The following ZNF385D variants were observed in gnomAD, a reference collection of about 807,000 sequenced individuals.
ZNF385D encodes zinc finger protein 385D, also known as zinc finger protein 659.
In ZNF385D, 15 loss-of-function variants were observed where a neutral mutation model predicts 35.8. The observed-to-expected ratio is 0.42, with a 90% CI of 0.28 to 0.64. The LOEUF is 0.64. ZNF385D is among the 30% of genes least tolerant of loss of function. The pLI is 0.23. For missense variants in ZNF385D, 474 were observed against 494.6 expected, an observed-to-expected ratio of 0.96 and a Z score of 0.39; for synonymous variants, 212 against 186.8, an observed-to-expected ratio of 1.13 and a Z score of -1.10.
intron 2 of ZNF385D, among the ~76,000 whole-genome samples, chr3:21,592,463 C>T (rs1158155013): frequency 1.3e-5 from 2 of 149,334 alleles, no homozygotes; most frequent in Non-Finnish European, 3.0e-5. Flanking sequence ...CTTGAATTAC[C>T]CTCTTCTAAT....
intron 3 of ZNF385D, among the ~76,000 whole-genome samples, chr3:22,031,580 G>C (rs1698005791): frequency 6.6e-6 from 1 of 152,202 alleles, no homozygotes; most frequent in South Asian, 2.1e-4. Flanking sequence ...GCACAGAGCA[G>C]CGTGTCCCTG....
chr3:21,915,068 A>AG lies in ZNF385D; in HGVS notation c.326-250041dup, dbSNP rs1164341886. On this transcript the variant is annotated intron_variant, in intron 3 of 5. Coordinates refer to the ZNF385D transcript ENST00000494108. ...AATTATTTTAAGAATGAGTAGAAAT[A>AG]GAAAAAAAAAAGAGTTGGATTTTTT... 1.8e-4 allele frequency among the ~76,000 whole-genome samples: 4 copies of AG among 21,660 alleles called. No individual in the cohort carries two copies. In the Non-Finnish European group the frequency reaches 4.4e-3, roughly 24 times the overall value. The allele number at this position is 21,660 out of a possible 152,430, so 14.2% of individuals were successfully genotyped here. A position where few individuals can be genotyped will look rare whatever the true frequency, so the allele number is the denominator to read the frequency against.
At position 21,465,620 on chromosome 3, in the gene ZNF385D, TG is replaced by T. The variant is rs1427178234; in HGVS notation, c.440-28418del. On this transcript the variant is annotated intron_variant, in intron 4 of 7. Coordinates refer to ENST00000281523, the MANE Select transcript of ZNF385D (RefSeq NM_024697.3). The surrounding 1 kb of genome is among the most constrained non-coding windows in gnomAD (Gnocchi z 4.2). ...ATGTATTCGAGTTATGCATATTTCC[TG>T]GCACTCTTGTCTCACATCTGTGTAA... 1.3e-5 allele frequency among the ~76,000 whole-genome samples: 2 copies of T among 152,246 alleles called. No individual in the cohort carries two copies. The highest frequency in any genetic ancestry group is 2.9e-5 in the Non-Finnish European group (2 of 68,048).
chr3:21,530,749 A>G (rs2061902085), intron 3 of ZNF385D, among the ~76,000 whole-genome samples: 1 of 152,146 alleles, frequency 6.6e-6, no homozygotes. Flanking sequence ...AACAGTACCC[A>G]TCACTGCTCT....
chr3:22,281,916 A>G (rs921378679), intron 2 of ZNF385D, among the ~76,000 whole-genome samples: 3 of 151,938 alleles, frequency 2.0e-5, no homozygotes, highest in Non-Finnish European at 2.9e-5. Flanking sequence ...TACCATTTCA[A>G]TCTTGCTGCT....
intron 3 of ZNF385D, among the ~76,000 whole-genome samples, chr3:22,046,506 T>G (rs1189488039): frequency 6.6e-6 from 1 of 152,186 alleles, no homozygotes; most frequent in Non-Finnish European, 1.5e-5. Flanking sequence ...TTCCCATGTG[T>G]GCTAAGTGGA....
At chr3:21,811,687 T>C (rs1258379489) in intron 3 of ZNF385D, among the ~76,000 whole-genome samples, 1 of 152,122 alleles carries the variant, frequency 6.6e-6, no homozygotes, top group Admixed American at 6.5e-5. Flanking sequence ...AACTATAAAA[T>C]CATTATCAAA....
intron 2 of ZNF385D, among the ~76,000 whole-genome samples, chr3:22,241,163 A>G (rs1023950882): frequency 6.6e-6 from 1 of 151,194 alleles, no homozygotes; most frequent in Non-Finnish European, 1.5e-5. Flanking sequence ...AACTAGCCCA[A>G]CTGTACTGAA....
intron 2 of ZNF385D, among the ~76,000 whole-genome samples, chr3:22,197,267 C>T (rs547506330): frequency 5.9e-5 from 9 of 152,114 alleles, no homozygotes; most frequent in African/African-American, 2.2e-4. Flanking sequence ...TTGACTATTA[C>T]TTTTATTCTA....
chr3:21,805,763 G>C (rs2072613079), intron 3 of ZNF385D, among the ~76,000 whole-genome samples: 2 of 152,276 alleles, frequency 1.3e-5, no homozygotes, highest in Admixed American at 1.3e-4. Context: ...ATCAAGTAGA[G>C]ATGCTAGTGA....
At chr3:21,680,479 A>C (rs1223094646) in intron 1 of ZNF385D, among the ~76,000 whole-genome samples, 1 of 152,198 alleles carries the variant, frequency 6.6e-6, no homozygotes, top group Non-Finnish European at 1.5e-5. Context: ...ATAAAAAGAC[A>C]TTGGTAGACC....
intron 2 of ZNF385D, among the ~76,000 whole-genome samples, chr3:22,182,085 G>A (rs1163942338): frequency 6.6e-6 from 1 of 152,038 alleles, no homozygotes; most frequent in Non-Finnish European, 1.5e-5. Context: ...AAGAAGTCCT[G>A]GTTAGGCAAT....
At chr3:22,061,869 C>T (rs1699704455) in intron 3 of ZNF385D, among the ~76,000 whole-genome samples, 2 of 152,132 alleles carry the variant, frequency 1.3e-5, no homozygotes, top group Admixed American at 6.6e-5. Flanking sequence ...TTGATTGTCT[C>T]TGCCACTAAA....
chr3:22,111,944 C>T (rs983267028), intron 3 of ZNF385D, among the ~76,000 whole-genome samples: 9 of 152,166 alleles, frequency 5.9e-5, no homozygotes, highest in Non-Finnish European at 1.2e-4. Flanking sequence ...TGTCTACTTC[C>T]ATCAAATGCA....
chr3:22,049,812 G>A (rs1432660925), intron 3 of ZNF385D, among the ~76,000 whole-genome samples: 2 of 152,092 alleles, frequency 1.3e-5, no homozygotes, highest in African/African-American at 2.4e-5. Flanking sequence ...GCTGATTTGT[G>A]TATGTTGAGC....
At chr3:21,721,088 G>C (rs1195096294) in intron 1 of ZNF385D, among the ~76,000 whole-genome samples, 1 of 151,530 alleles carries the variant, frequency 6.6e-6, no homozygotes, top group East Asian at 1.9e-4. Context: ...TTTTCTAGTG[G>C]ACAAAGTTTA....
rs1221923155 is a variant in ZNF385D, at chr3:21,424,317, A to ATATATAT, written c.853-254_853-253insATATATA. On this transcript the variant is annotated intron_variant, in intron 6 of 7. Transcript: ENST00000281523. ...TATATATATTTATATATATATATAT[A>ATATATAT]TTTTTTTTTTTTTTTGAGATGGAGT... Among the ~76,000 whole-genome samples the ATATATAT allele has an allele frequency of 3.6e-4, 23 of 63,804 alleles. 1 individual carries two copies. Among genetic ancestry groups the ATATATAT allele is most frequent in the Admixed American group, 2.5e-3 (8 of 3,234 alleles). The allele number at this position is 63,804 out of a possible 152,430, so 41.9% of individuals were successfully genotyped here.
intron 3 of ZNF385D, among the ~76,000 whole-genome samples, chr3:21,893,699 T>G (rs1485987883): frequency 6.6e-6 from 1 of 152,132 alleles, no homozygotes; most frequent in Non-Finnish European, 1.5e-5. Context: ...GCATGGAAAT[T>G]GAGAATTGGC....
rs144433523 is a variant in ZNF385D, at chr3:22,088,200, G to C, written c.325+80617C>G. Among the ~76,000 whole-genome samples the C allele has an allele frequency of 6.6e-5, 10 of 152,280 alleles. No homozygotes were observed. The East Asian group carries it at 1.7e-3, about 26-fold the overall frequency. The stretch of plus-strand genomic sequence containing the variant: ...TTCTGCCCATGATATTAGGCTGCAA[G>C]GCATGTTAACATGGGCACGATGAGC... On this transcript the variant is annotated intron_variant, in intron 3 of 5. Transcript: ENST00000494108.
Sources: allele counts gnomAD v4.1 joint callset (sites outside exome capture counted in the v4.1 genomes callset), GRCh38; gene constraint gnomAD v4.1.1; non-coding constraint Gnocchi (gnomAD v3.1); transcripts MANE v1.5; gene names NCBI Gene and HGNC (gene_info 2026-07-23, HGNC 2026-07-21).